SERPINB6: variants seen among roughly 807,000 people sequenced by gnomAD.
SERPINB6 encodes serpin family B member 6.
SERPINB6 carries 16 observed loss-of-function variants against 26.1 expected under a neutral mutation model. That is an observed-to-expected ratio of 0.61 (90% CI 0.42 to 0.93). SERPINB6 has a LOEUF of 0.93. Ranked by LOEUF, SERPINB6 falls within the 40% of genes least tolerant of loss-of-function variation. The probability of loss-of-function intolerance (pLI) is 0.00; values close to 1 mark genes in which losing one functional copy is unlikely to be tolerated. For missense variants in SERPINB6, 420 were observed against 478.0 expected (o/e 0.88, Z 1.13); for synonymous variants, 174 against 176.6 (o/e 0.99, Z 0.11).
At chr6:2,970,214 C>G (rs1772013907) in intron 1 of SERPINB6, 1 of 985,234 alleles carries the variant, frequency 1.0e-6, no homozygotes, top group Non-Finnish European at 1.2e-6. Flanking sequence ...AATGTTGGTT[C>G]TATTCATGCT....
At chr6:2,953,640 G>A (rs1456615991) in intron 4 of SERPINB6, among the ~76,000 whole-genome samples, 1 of 152,060 alleles carries the variant, frequency 6.6e-6, no homozygotes, top group Non-Finnish European at 1.5e-5. Flanking sequence ...AGACCAACCT[G>A]GACAACATAG....
chr6:2,959,082 G>A (rs1341935992), intron 2 of SERPINB6, 86 bp downstream of exon 2: 41 of 1,552,058 alleles, frequency 2.6e-5, no homozygotes, highest in African/African-American at 2.7e-5. Flanking sequence ...ACAGTCATCC[G>A]TCTCGAGCGA....
intron 1 of SERPINB6, chr6:2,970,740 A>AAAAG: frequency 8.1e-7 from 1 of 1,230,018 alleles, no homozygotes; most frequent in East Asian, 3.2e-5. Context: ...AAAAAAAAAA[A>AAAAG]AAAAGGAAGA....
At chr6:2,960,517 G>A (rs1406034620) in intron 1 of SERPINB6, 1 of 152,266 alleles carries the variant, frequency 6.6e-6, no homozygotes, top group Non-Finnish European at 1.5e-5. Context: ...AAATGAATAT[G>A]TCCCAGTCAG....
At position 2,955,456 on chromosome 6, in the gene SERPINB6, G is replaced by A. The variant is rs1581246554; in HGVS notation, c.312+68C>T. On this transcript the variant is annotated intron_variant, in intron 3 of 6. Coordinates refer to ENST00000380539, the MANE Select transcript of SERPINB6 (RefSeq NM_004568.6). The stretch of plus-strand genomic sequence containing the variant: ...TGGCATTTAGAGCCACACGCTTCCT[G>A]CTGGGCCCCAGCCCCCACTACCTGG... 4 of 1,591,884 alleles carry A rather than the reference G, an allele frequency of 2.5e-6. No homozygotes were observed. In the East Asian group the frequency reaches 8.9e-5, roughly 36 times the overall value.
At position 2,969,744 on chromosome 6, in the gene SERPINB6, CCT is replaced by C. The variant is rs1292594832; in HGVS notation, c.-11+1787_-11+1788del. 2.6e-5 allele frequency: 26 copies of C among 981,290 alleles called. 1 individual carries two copies. The East Asian group carries it at 4.6e-4, about 17-fold the overall frequency. 60.8% of individuals were successfully genotyped at this position (981,290 alleles called of 1,614,324 possible). A position where few individuals can be genotyped will look rare whatever the true frequency, so the allele number is the denominator to read the frequency against. Reference sequence around the variant, plus strand: ...GGAAACTTGGACTTCCTGCTTTGTCCCTCTGTTTCCTTGTGCAGTGTGTATGT... The same window carrying C: ...GGAAACTTGGACTTCCTGCTTTGTCCCTGTTTCCTTGTGCAGTGTGTATGT... On this transcript the variant is annotated intron_variant, in intron 1 of 6. Coordinates refer to ENST00000380539, the MANE Select transcript of SERPINB6 (RefSeq NM_004568.6).
chr6:2,951,569 A>T (rs114699723), intron 5 of SERPINB6, among the ~76,000 whole-genome samples: 55 of 152,244 alleles, frequency 3.6e-4, no homozygotes, highest in African/African-American at 1.3e-3. Context: ...AAAAGATCTA[A>T]CCTTAGTGAC....
chr6:2,956,637 C>T (rs972324734), intron 2 of SERPINB6: 6 of 152,264 alleles, frequency 3.9e-5, no homozygotes, highest in Non-Finnish European at 8.8e-5. Flanking sequence ...GCCTGACCAA[C>T]GTGGAGAAAC....
rs1769419389 is a variant in SERPINB6, at chr6:2,948,753, G to C, written c.730-54C>G. ...ACCCAGGGTGCTGCTGCCCAGCAGGGCCCTGTGCTATGCTGTGGATGCCAG... is the reference window on the plus strand; with the variant it reads ...ACCCAGGGTGCTGCTGCCCAGCAGGCCCCTGTGCTATGCTGTGGATGCCAG... On this transcript the variant is annotated intron_variant, in intron 6 of 6. Transcript: ENST00000380539. The surrounding 1 kb of genome is among the most constrained non-coding windows in gnomAD (Gnocchi z 5.0). 2 of 1,577,928 alleles carry C rather than the reference G, an allele frequency of 1.3e-6. No individual in the cohort carries two copies. Among genetic ancestry groups the C allele is most frequent in the Non-Finnish European group, 1.7e-6 (2 of 1,147,916 alleles).
chr6:2,959,158 G>A lies in SERPINB6; in HGVS notation c.165+10C>T, dbSNP rs773475502. 1 of 1,614,192 alleles carries A rather than the reference G, an allele frequency of 6.2e-7. No individual in the cohort carries two copies. ...CAGTTAATAGCACCATGGCTGCCCT[G>A]AAGCTGTACCTGGGCCATCTGTGCA... On this transcript the variant is annotated intron_variant, in intron 2 of 6. Coordinates refer to ENST00000380539, the MANE Select transcript of SERPINB6 (RefSeq NM_004568.6).
At chr6:2,958,235 G>A (rs1018471714) in intron 2 of SERPINB6, 9 of 152,532 alleles carry the variant, frequency 5.9e-5, no homozygotes, top group East Asian at 3.9e-4. Flanking sequence ...AGAAAACAGT[G>A]TCTACAAGCC....
intron 2 of SERPINB6, chr6:2,956,821 C>CAAA (rs34187484): frequency 3.5e-5 from 5 of 143,180 alleles, no homozygotes; most frequent in Middle Eastern, 3.2e-3. Context: ...AACTCTGTCT[C>CAAA]AAAAAAAAAA....
chr6:2,970,554 A>C (rs954538960), intron 1 of SERPINB6: 2 of 1,202,164 alleles, frequency 1.7e-6, no homozygotes, highest in African/African-American at 3.1e-5. Flanking sequence ...CCCCCACCAG[A>C]AAGGATGCAG....
intron 1 of SERPINB6, chr6:2,961,376 G>A (rs957386864): frequency 6.6e-6 from 1 of 152,094 alleles, no homozygotes; most frequent in Non-Finnish European, 1.5e-5. Flanking sequence ...GAATATAAGG[G>A]AGTCTTTGAT....
At chr6:2,955,941 G>A (rs1351835243) in intron 2 of SERPINB6, 2 of 379,982 alleles carry the variant, frequency 5.3e-6, no homozygotes, top group Non-Finnish European at 1.0e-5. Context: ...GCTGGGCCTG[G>A]TGGTGCGTAC....
chr6:2,966,283 A>T (rs1581275512), intron 1 of SERPINB6: 1 of 855,950 alleles, frequency 1.2e-6, no homozygotes, highest in African/African-American at 1.8e-5. Context: ...CTTATTAATG[A>T]GCTTGGGCTT....
intron 5 of SERPINB6, among the ~76,000 whole-genome samples, chr6:2,952,460 C>T (rs1004325912): frequency 6.6e-6 from 1 of 152,244 alleles, no homozygotes; most frequent in African/African-American, 2.4e-5. Flanking sequence ...CAGCAAATGA[C>T]ATCTTCCACG....
intron 1 of SERPINB6, chr6:2,969,064 G>T: frequency 3.5e-6 from 4 of 1,136,654 alleles, no homozygotes; most frequent in Non-Finnish European, 4.3e-6. Context: ...CATAAACACT[G>T]AACAATTAAT....
At position 2,955,663 on chromosome 6, in the gene SERPINB6, G is replaced by T. The variant is rs752410026; in HGVS notation, c.173C>A (p.Ser58Tyr). 8 of 1,614,170 alleles carry T rather than the reference G, an allele frequency of 5.0e-6. No individual in the cohort carries two copies. The Admixed American group carries it at 1.3e-4, about 27-fold the overall frequency. The change falls in exon 3 of 7, where the codon TCT becomes TAT. Residue 58 changes from serine (S) to tyrosine (Y), a missense_variant. Transcript: ENST00000380539. ...NTAAQMAQIL[S>Y]FNKSGGGGDI... ...TCCACCACCGCCACTTTTATTGAAA[G>T]AAAGTATCTGAAATCAAAAACAGAA...
Sources: gnomAD v4.1 joint callset for allele counts (sites outside exome capture counted in the v4.1 genomes callset) on GRCh38, gnomAD v4.1.1 for gene constraint, Gnocchi (gnomAD v3.1) non-coding constraint, MANE v1.5 for transcripts, NCBI Gene and HGNC (gene_info 2026-07-23, HGNC 2026-07-21) for gene names.